The following CEP192 variants were observed in gnomAD, a reference collection of about 807,000 sequenced individuals.
CEP192 encodes the protein centrosomal protein of 192 kDa.
A neutral mutation model predicts 271.8 loss-of-function variants in CEP192; 151 were observed. The observed-to-expected ratio is 0.56, with a 90% CI of 0.49 to 0.64. CEP192 has a LOEUF of 0.64. Among genes scored for constraint, CEP192 ranks in the 30% least tolerant of loss-of-function variants. CEP192 has a pLI of 0.00. For synonymous variants in CEP192, 995 were observed against 1,076.5 expected (o/e 0.92, Z 1.48); for missense variants, 2,910 against 3,020.5 (o/e 0.96, Z 0.86).
At chr18:13,039,734 C>T (rs1469508587) in intron 13 of CEP192, among the ~76,000 whole-genome samples, 3 of 152,112 alleles carry the variant, frequency 2.0e-5, no homozygotes, top group Admixed American at 2.0e-4. Context: ...AGGCACAGGG[C>T]AACTTTGTTG....
chr18:13,111,882 C>A (rs190556723), intron 40 of CEP192, among the ~76,000 whole-genome samples: 1 of 152,114 alleles, frequency 6.6e-6, no homozygotes, highest in Non-Finnish European at 1.5e-5. Context: ...GCTTAGAATT[C>A]CTAGTCATTA....
At chr18:13,046,024 A>G (rs2036456325) in intron 15 of CEP192, among the ~76,000 whole-genome samples, 1 of 152,204 alleles carries the variant, frequency 6.6e-6, no homozygotes, top group Admixed American at 6.5e-5. Flanking sequence ...ATTGCTATCA[A>G]GAAATACCTG....
At chr18:12,998,313 G>A (rs566901337) in intron 1 of CEP192, among the ~76,000 whole-genome samples, 14 of 152,226 alleles carry the variant, frequency 9.2e-5, no homozygotes, top group African/African-American at 2.9e-4. Context: ...TTCTAGCTTC[G>A]TTTACTGTGT....
intron 24 of CEP192, 94 bp from the exon 25 acceptor site, chr18:13,068,758 T>C: frequency 7.7e-7 from 1 of 1,297,830 alleles, no homozygotes. Flanking sequence ...TAAATTTTCT[T>C]ATTGCCCCTA....
chr18:13,020,427 G>C lies in CEP192; in HGVS notation c.1050+1221G>C, dbSNP rs1207527432. On this transcript the variant is annotated intron_variant, in intron 9 of 44. Transcript: ENST00000506447. ...TATCAACATTTCATTTTTTCTTATG[G>C]CCGAATAATGTTCTATTATATATAC... Among the ~76,000 whole-genome samples, 3 of 152,082 alleles carry C rather than the reference G, an allele frequency of 2.0e-5. No homozygotes were observed. In the East Asian group the frequency reaches 5.8e-4, roughly 29 times the overall value.
intron 44 of CEP192, 31 bp from the exon 45 acceptor site, chr18:13,124,601 A>G (rs1287550208): frequency 1.9e-6 from 3 of 1,593,570 alleles, no homozygotes; most frequent in Non-Finnish European, 2.6e-6. Context: ...CTGTCATGAC[A>G]TGCTGCTGTC....
chr18:13,040,907 A>C lies in CEP192; in HGVS notation c.1887A>C (p.Arg629Ser), dbSNP rs1469378024. ...IALIRKSDVSRGNLEKEMAHL... is the reference protein window; with the variant it reads ...IALIRKSDVSSGNLEKEMAHL... ...TAATAAGAAAATCTGATGTATCAAG[A>C]GGTAATTTGGAAAAAGAAATGGCTC... The change falls in exon 14 of 45, where the codon AGA (arginine) becomes AGC (serine). Residue 629 changes from arginine to serine, a missense_variant. Transcript: ENST00000506447. 1 of 1,609,718 alleles carries C rather than the reference A, an allele frequency of 6.2e-7. No individual in the cohort carries two copies. The highest frequency in any genetic ancestry group is 8.5e-7 in the Non-Finnish European group (1 of 1,176,712).
At chr18:13,073,723 G>A (rs76624003) in intron 30 of CEP192, among the ~76,000 whole-genome samples, 5,445 of 152,270 alleles carry the variant, frequency 0.036, 306 homozygotes, top group African/African-American at 0.12. Flanking sequence ...TGAGAAGGAC[G>A]AGAGTGCTGC....
Position 13,076,370 on chromosome 18 carries a change from G to A in CEP192, c.5616+3185G>A, listed in dbSNP as rs761804536. Among the ~76,000 whole-genome samples, 10 of 151,788 alleles carry A rather than the reference G, an allele frequency of 6.6e-5. No homozygotes were observed. The East Asian group carries it at 7.8e-4, about 12-fold the overall frequency. ...CTCCCGAGTAGCTGGGACTACAGGC[G>A]CGTGCCACCACACCCAGCTGATTTT... is the stretch of plus-strand genomic sequence containing the variant. On this transcript the variant is annotated intron_variant, in intron 30 of 44. Transcript: ENST00000506447.
chr18:13,053,892 A>G (rs1410592159), intron 18 of CEP192, among the ~76,000 whole-genome samples: 1 of 151,612 alleles, frequency 6.6e-6, no homozygotes, highest in Admixed American at 6.6e-5. Flanking sequence ...GCTTCTTGCC[A>G]TGTTGCTCAG....
At chr18:13,017,669 T>A (rs1008260411) in intron 7 of CEP192, among the ~76,000 whole-genome samples, 1 of 152,220 alleles carries the variant, frequency 6.6e-6, no homozygotes, top group Non-Finnish European at 1.5e-5. Flanking sequence ...ACAGAGAGTA[T>A]GACATTTCAC....
rs918289596 is a variant in CEP192 at position 13,017,287 on chromosome 18, C to T, written c.740C>T (p.Pro247Leu). 50 of 1,549,182 alleles carry T rather than the reference C, an allele frequency of 3.2e-5. No individual in the cohort carries two copies. In the Admixed American group the frequency reaches 9.9e-4, roughly 31 times the overall value. ...PGMIYEDLEG[P>L]EPPEKGFKLP... ...ATGATATATGAAGACCTAGAAGGACCAGAACCTCCAGAAAAAGGTTTTAAG... is the reference window on the plus strand; with the variant it reads ...ATGATATATGAAGACCTAGAAGGACTAGAACCTCCAGAAAAAGGTTTTAAG... The change falls in exon 7 of 45, where the codon CCA (proline) becomes CTA (leucine). Residue 247 changes from proline (P) to leucine (L), a missense_variant. Physicochemically the swap from Pro to Leu is moderately conservative, Grantham distance 98 (BLOSUM62 -3). Transcript: ENST00000506447.
intron 36 of CEP192, among the ~76,000 whole-genome samples, chr18:13,097,141 A>G (rs1438333269): frequency 2.0e-5 from 3 of 152,222 alleles, no homozygotes; most frequent in African/African-American, 4.8e-5. Flanking sequence ...TCAGTTTGGC[A>G]TGCAGCAAGT....
chr18:13,027,651 T>C (rs981896223), intron 9 of CEP192, among the ~76,000 whole-genome samples: 6 of 152,164 alleles, frequency 3.9e-5, no homozygotes, highest in Non-Finnish European at 7.3e-5. Context: ...ATCTTTTTAC[T>C]TGTTGTCGGG....
At chr18:13,124,118 C>T (rs551758343) in intron 44 of CEP192, among the ~76,000 whole-genome samples, 20 of 152,200 alleles carry the variant, frequency 1.3e-4, no homozygotes, top group Non-Finnish European at 2.1e-4. Context: ...CAAGATCATG[C>T]CATTACACCC....
At chr18:13,019,019 G>A in intron 8 of CEP192, 63 bp from the exon 9 acceptor site, 4 of 1,401,184 alleles carry the variant, frequency 2.9e-6, no homozygotes, top group Non-Finnish European at 3.8e-6. Flanking sequence ...GCAAGAATCA[G>A]TTATTATGTT....
At chr18:13,044,762 T>A (rs766278004) in intron 15 of CEP192, among the ~76,000 whole-genome samples, 1 of 152,218 alleles carries the variant, frequency 6.6e-6, no homozygotes, top group African/African-American at 2.4e-5. Context: ...CTCTTTCTTA[T>A]AATGTTCTTG....
Position 13,073,203 on chromosome 18 carries a change from C to T in CEP192, c.5616+18C>T. ...AGTTCACAGTAAGATCATTTTATTG[C>T]CTTTCCCTTCCCCTGGAGTTTATGC... On this transcript the variant is annotated intron_variant, in intron 30 of 44. Coordinates refer to ENST00000506447, the MANE Select transcript of CEP192 (RefSeq NM_032142.4). The T allele has an allele frequency of 6.3e-7, 1 of 1,582,258 alleles. No homozygotes were observed. The highest frequency in any genetic ancestry group is 8.6e-7 in the Non-Finnish European group (1 of 1,165,198).
chr18:13,048,212 A>G (rs190822036), intron 15 of CEP192, among the ~76,000 whole-genome samples: 18 of 152,354 alleles, frequency 1.2e-4, no homozygotes, highest in African/African-American at 4.3e-4. Flanking sequence ...TTTAAATTAT[A>G]TGTCTTTCTT....
Sources: allele counts gnomAD v4.1 joint callset (sites outside exome capture counted in the v4.1 genomes callset), GRCh38; gene constraint gnomAD v4.1.1; transcripts MANE v1.5; gene names NCBI Gene and HGNC (gene_info 2026-07-23, HGNC 2026-07-21).